MECOM: variants seen among roughly 807,000 people sequenced by gnomAD.
MECOM encodes MDS1 and EVI1 complex locus, also known as histone-lysine N-methyltransferase MECOM.
In MECOM, 13 loss-of-function variants were observed where a neutral mutation model predicts 116.3. That is an observed-to-expected ratio of 0.11 (90% CI 0.07 to 0.18). MECOM has a LOEUF of 0.18. Ranked by LOEUF, MECOM falls within the 10% of genes least tolerant of loss-of-function variation. The pLI is 1.00. For missense variants in MECOM, 1,299 were observed against 1,509.0 expected (o/e 0.86, Z 2.31); for synonymous variants, 528 against 535.2 (o/e 0.99, Z 0.19).
At chr3:169,297,651 A>C (rs1358214519) in intron 2 of MECOM, among the ~76,000 whole-genome samples, 1 of 152,160 alleles carries the variant, frequency 6.6e-6, no homozygotes, top group Admixed American at 6.5e-5. Context: ...ATTATTTTAA[A>C]AAAAATCATT....
intron 2 of MECOM, among the ~76,000 whole-genome samples, chr3:169,325,510 T>C (rs1235475895): frequency 1.3e-5 from 2 of 152,200 alleles, no homozygotes; most frequent in African/African-American, 4.8e-5. Context: ...CCCCAAGACA[T>C]TCTACTTTAA....
chr3:169,525,751 G>A (rs896143641), intron 1 of MECOM, among the ~76,000 whole-genome samples: 14 of 152,190 alleles, frequency 9.2e-5, no homozygotes, highest in East Asian at 3.9e-4. Flanking sequence ...GGATGCAGCC[G>A]GGCGTGATGG....
Position 169,428,530 on chromosome 3 carries a change from G to A in MECOM, c.38-47006C>T, listed in dbSNP as rs553209540. 2.0e-5 allele frequency among the ~76,000 whole-genome samples: 3 copies of A among 152,276 alleles called. No individual in the cohort carries two copies. In the East Asian group the frequency reaches 5.8e-4, roughly 29 times the overall value. ...CAGTTCCTAACAGGCCTAATAACAGGCCGTGGACCGGTACTGCAGGATTGC... is the reference window on the plus strand; with the variant it reads ...CAGTTCCTAACAGGCCTAATAACAGACCGTGGACCGGTACTGCAGGATTGC... On this transcript the variant is annotated intron_variant, in intron 1 of 16. Coordinates refer to ENST00000651503, the MANE Select transcript of MECOM (RefSeq NM_004991.4).
chr3:169,111,901 CCT>C (rs146974099), intron 9 of MECOM, among the ~76,000 whole-genome samples: 3,653 of 152,092 alleles, frequency 0.024, 131 homozygotes, highest in African/African-American at 0.08. Context: ...ATAAACTTCC[CCT>C]GATTTTATTA....
intron 2 of MECOM, among the ~76,000 whole-genome samples, chr3:169,242,898 C>T (rs186935392): frequency 1.3e-5 from 2 of 151,564 alleles, no homozygotes; most frequent in African/African-American, 4.9e-5. Flanking sequence ...TCCTTTGCCC[C>T]CTATAATAAT....
intron 1 of MECOM, among the ~76,000 whole-genome samples, chr3:169,417,375 C>T (rs1385763808): frequency 1.3e-5 from 2 of 151,968 alleles, no homozygotes; most frequent in Admixed American, 6.6e-5. Context: ...CATCACTGGC[C>T]ATCAGAGAAA....
intron 1 of MECOM, among the ~76,000 whole-genome samples, chr3:169,456,780 T>C (rs1415132850): frequency 6.6e-6 from 1 of 152,168 alleles, no homozygotes. Flanking sequence ...GTACCCACCA[T>C]AATACTACGC....
At chr3:169,596,800 C>T (rs978625922) in intron 1 of MECOM, among the ~76,000 whole-genome samples, 1 of 152,152 alleles carries the variant, frequency 6.6e-6, no homozygotes, top group African/African-American at 2.4e-5. Flanking sequence ...AATACAACCT[C>T]CCCAATATAA....
intron 1 of MECOM, among the ~76,000 whole-genome samples, chr3:169,423,113 T>C (rs1262869150): frequency 6.6e-6 from 1 of 152,000 alleles, no homozygotes; most frequent in African/African-American, 2.4e-5. Context: ...ACCCTGAGAT[T>C]GTGCATTTCT....
chr3:169,311,485 G>A (rs1718755119), intron 2 of MECOM, among the ~76,000 whole-genome samples: 1 of 152,166 alleles, frequency 6.6e-6, no homozygotes, highest in Admixed American at 6.5e-5. Flanking sequence ...TTAGCTTGTA[G>A]TGCACATATC....
chr3:169,485,863 T>C (rs1306256237), intron 1 of MECOM, among the ~76,000 whole-genome samples: 3 of 106,700 alleles, frequency 2.8e-5, no homozygotes, highest in Admixed American at 2.1e-4. Flanking sequence ...ATACCATATG[T>C]ATAGTATATA....
chr3:169,121,495 G>C (rs1332966400), intron 6 of MECOM, among the ~76,000 whole-genome samples: 2 of 152,096 alleles, frequency 1.3e-5, no homozygotes, highest in Non-Finnish European at 2.9e-5. Flanking sequence ...ATACCATTTA[G>C]AGTGACTTGA....
chr3:169,280,298 CA>C (rs1711653909), intron 2 of MECOM, among the ~76,000 whole-genome samples: 3 of 152,236 alleles, frequency 2.0e-5, no homozygotes, highest in Admixed American at 2.0e-4. Context: ...TTGTGAAATC[CA>C]GGCAAATATC....
chr3:169,252,307 G>A (rs1756341975), intron 2 of MECOM, among the ~76,000 whole-genome samples: 1 of 151,898 alleles, frequency 6.6e-6, no homozygotes, highest in Non-Finnish European at 1.5e-5. Flanking sequence ...AATTTGAGAT[G>A]GGGGAGAAGA....
At chr3:169,337,647 T>C (rs1234202772) in intron 2 of MECOM, among the ~76,000 whole-genome samples, 2 of 152,148 alleles carry the variant, frequency 1.3e-5, no homozygotes, top group African/African-American at 4.8e-5. Context: ...GTCCCTGTCT[T>C]CTAGAAGCCC....
intron 2 of MECOM, among the ~76,000 whole-genome samples, chr3:169,179,218 A>T (rs1385759719): frequency 6.6e-6 from 1 of 152,168 alleles, no homozygotes; most frequent in Non-Finnish European, 1.5e-5. Context: ...GTTTAAACAA[A>T]TTTTAAAGAC....
At chr3:169,616,520 A>AT (rs1770030380) in intron 1 of MECOM, among the ~76,000 whole-genome samples, 1 of 151,840 alleles carries the variant, frequency 6.6e-6, no homozygotes. Flanking sequence ...TAATTTTTGT[A>AT]TTTTTTTAGT....
At chr3:169,087,177 T>C (rs2148824100) in intron 16 of MECOM, among the ~76,000 whole-genome samples, 1 of 152,300 alleles carries the variant, frequency 6.6e-6, no homozygotes, top group South Asian at 2.1e-4. Context: ...TTATATCCCT[T>C]ATCTGTAGGT....
At chr3:169,232,289 A>T (rs1312299118) in intron 2 of MECOM, among the ~76,000 whole-genome samples, 1 of 152,156 alleles carries the variant, frequency 6.6e-6, no homozygotes, top group Non-Finnish European at 1.5e-5. Context: ...GTGAAAAACG[A>T]CTTGGACCCA....
Sources: allele counts gnomAD v4.1 joint callset (sites outside exome capture counted in the v4.1 genomes callset), GRCh38; gene constraint gnomAD v4.1.1; transcripts MANE v1.5; gene names NCBI Gene and HGNC (gene_info 2026-07-23, HGNC 2026-07-21).